Variants in SOS1 observed in about 807,000 individuals in gnomAD.
SOS1 encodes son of sevenless homolog 1.
Under a neutral mutation model 157.6 loss-of-function variants are expected in SOS1, and 25 were observed. That is an observed-to-expected ratio of 0.16 (90% CI 0.12 to 0.22). SOS1 has a LOEUF of 0.22. SOS1 is among the 10% of genes least tolerant of loss of function. The pLI is 1.00. For synonymous variants in SOS1, 528 were observed against 534.0 expected, an observed-to-expected ratio of 0.99 and a Z score of 0.16; for missense variants, 1,237 against 1,599.1, an observed-to-expected ratio of 0.77 and a Z score of 3.86.
intron 1 of SOS1, among the ~76,000 whole-genome samples, chr2:39,109,917 G>A (rs996608018): frequency 9.2e-5 from 14 of 152,060 alleles, no homozygotes; most frequent in African/African-American, 3.4e-4. Context: ...GAACAAAATT[G>A]GAGTATTACA....
chr2:39,035,193 CA>C lies in SOS1; in HGVS notation c.1074+18del, dbSNP rs1343795867. On this transcript the variant is annotated intron_variant, in intron 8 of 22. Coordinates refer to ENST00000402219, the MANE Select transcript of SOS1 (RefSeq NM_005633.4). ...TCACACTTGAATATGTTACAAATAA[CA>C]ATAAAGAGTTTTCTTACCTTCAAAA... 3.2e-6 allele frequency: 5 copies of C among 1,544,236 alleles called. No individual in the cohort carries two copies. In the Admixed American group the frequency reaches 5.1e-5, roughly 16 times the overall value.
At chr2:39,007,276 A>ATGT in intron 15 of SOS1, 83 bp from the exon 16 acceptor site, 1 of 915,474 alleles carries the variant, frequency 1.1e-6, no homozygotes, top group East Asian at 2.4e-5. Context: ...AAATAAAATA[A>ATGT]TGTAGAGAGT....
Position 39,054,789 on chromosome 2 carries a change from T to C in SOS1, c.545A>G (p.Asp182Gly). ...LMDMFHQDVE[D>G]INILSLTDEE... ...GTCAGTTAAAGATAATATATTAATA[T>C]CTTCTACATCTTGATGAAACATATC... Residue 182 changes from aspartate (D) to glycine (G), a missense_variant, in exon 5 of 23, where the codon GAT becomes GGT. Transcript: ENST00000402219. The C allele has an allele frequency of 6.5e-7, 1 of 1,545,994 alleles. No homozygotes were observed. Among genetic ancestry groups the C allele is most frequent in the South Asian group, 1.1e-5 (1 of 89,484 alleles).
intron 1 of SOS1, among the ~76,000 whole-genome samples, chr2:39,115,142 C>T (rs949708912): frequency 5.9e-5 from 9 of 152,078 alleles, no homozygotes; most frequent in Admixed American, 5.9e-4. Context: ...AACTGACATA[C>T]AATAAACTGC....
intron 1 of SOS1, among the ~76,000 whole-genome samples, chr2:39,114,759 G>A (rs1402396357): frequency 6.6e-6 from 1 of 152,056 alleles, no homozygotes; most frequent in Admixed American, 6.6e-5. Context: ...ACCACGTCAG[G>A]CTAATTTTTG....
chr2:39,095,887 C>T (rs1032460064), intron 1 of SOS1, among the ~76,000 whole-genome samples: 1 of 152,160 alleles, frequency 6.6e-6, no homozygotes, highest in African/African-American at 2.4e-5. Context: ...AATAATTTCA[C>T]AAGTCAGTCA....
At chr2:39,109,915 T>C (rs569683620) in intron 1 of SOS1, among the ~76,000 whole-genome samples, 2 of 152,050 alleles carry the variant, frequency 1.3e-5, no homozygotes, top group Non-Finnish European at 2.9e-5. Context: ...AAGAACAAAA[T>C]TGGAGTATTA....
intron 1 of SOS1, among the ~76,000 whole-genome samples, chr2:39,084,099 A>G (rs561804968): frequency 1.3e-5 from 2 of 152,224 alleles, no homozygotes; most frequent in Admixed American, 1.3e-4. Flanking sequence ...GAGACCTCAG[A>G]AAAAAACAAC....
intron 1 of SOS1, among the ~76,000 whole-genome samples, chr2:39,104,183 G>A (rs1435983141): frequency 1.3e-5 from 2 of 152,166 alleles, no homozygotes; most frequent in Admixed American, 6.5e-5. Flanking sequence ...TCATGGGGCC[G>A]AGGCAGGAGA....
At chr2:39,013,704 G>T in intron 12 of SOS1, 141 bp from the exon 13 acceptor site, 1 of 892,390 alleles carries the variant, frequency 1.1e-6, no homozygotes. Context: ...AAAATTCTAT[G>T]TTAAGGCTTA....
chr2:39,013,253 A>G (rs966900961), intron 13 of SOS1, among the ~76,000 whole-genome samples: 33 of 152,134 alleles, frequency 2.2e-4, no homozygotes, highest in African/African-American at 7.7e-4. Flanking sequence ...TTGAGTCACT[A>G]AATGAAAATA....
chr2:39,020,887 CA>C (rs1669774093), intron 10 of SOS1, among the ~76,000 whole-genome samples: 1 of 89,300 alleles, frequency 1.1e-5, no homozygotes, highest in Non-Finnish European at 2.9e-5. Flanking sequence ...CAAAAGAAGA[CA>C]GAAAAGAAAA....
intron 2 of SOS1, among the ~76,000 whole-genome samples, chr2:39,065,265 A>G (rs1383276103): frequency 1.3e-5 from 2 of 152,320 alleles, no homozygotes; most frequent in South Asian, 2.1e-4. Flanking sequence ...ACCATTTGCT[A>G]TGGTCCAAAT....
Position 38,985,457 on chromosome 2 carries a change from A to G in SOS1, c.*367T>C, listed in dbSNP as rs1224189593. 2.2e-5 allele frequency: 4 copies of G among 180,250 alleles called. No homozygotes were observed. Among genetic ancestry groups the G allele is most frequent in the Non-Finnish European group, 1.2e-5 (1 of 83,760 alleles). The allele number at this position is 180,250 out of a possible 1,614,324, so 11.2% of individuals were successfully genotyped here. ...TTAAAAGTGCATAATTTGAATTACA[A>G]AAACTGTCATGTGGGCCTGCTGGAC... is the stretch of plus-strand genomic sequence containing the variant. On this transcript the variant is annotated 3_prime_UTR_variant, in exon 23 of 23. Coordinates refer to ENST00000402219, the MANE Select transcript of SOS1 (RefSeq NM_005633.4).
intron 17 of SOS1, among the ~76,000 whole-genome samples, chr2:39,003,387 C>T (rs1307423416): frequency 1.3e-5 from 2 of 152,066 alleles, no homozygotes; most frequent in African/African-American, 2.4e-5. Flanking sequence ...TATACTTTAT[C>T]CCCGCTAAAA....
upstream of SOS1, among the ~76,000 whole-genome samples, chr2:39,122,025 C>T (rs1490452384): frequency 1.3e-5 from 2 of 152,174 alleles, no homozygotes; most frequent in African/African-American, 4.8e-5. Context: ...TCCTGCTATT[C>T]CTGAGAACAG....
At chr2:39,087,715 T>A (rs1572883106) in intron 1 of SOS1, among the ~76,000 whole-genome samples, 1 of 152,170 alleles carries the variant, frequency 6.6e-6, no homozygotes, top group African/African-American at 2.4e-5. Flanking sequence ...GTAACCCAGG[T>A]TGGAGTGCAG....
At chr2:39,040,834 C>CT (rs749117222) in intron 6 of SOS1, among the ~76,000 whole-genome samples, 1 of 152,086 alleles carries the variant, frequency 6.6e-6, no homozygotes, top group East Asian at 1.9e-4. Context: ...TGAATCTCTG[C>CT]TTTTTGTTCT....
intron 20 of SOS1, chr2:38,992,934 T>TC (rs1280537379): frequency 6.6e-6 from 1 of 152,120 alleles, no homozygotes; most frequent in Non-Finnish European, 1.5e-5. Context: ...GACAGCTTAC[T>TC]ATGTGTATCA....
Sources: allele counts gnomAD v4.1 joint callset (sites outside exome capture counted in the v4.1 genomes callset), GRCh38; gene constraint gnomAD v4.1.1; transcripts MANE v1.5; gene names NCBI Gene and HGNC (gene_info 2026-07-23, HGNC 2026-07-21).